The following DPH6 variants were observed in gnomAD, a reference collection of about 807,000 sequenced individuals.
DPH6 encodes diphthine--ammonia ligase.
A neutral mutation model predicts 38.2 loss-of-function variants in DPH6; 33 were observed. The observed-to-expected ratio is 0.86, with a 90% CI of 0.65 to 1.15. The LOEUF is 1.15. Among genes scored for constraint, DPH6 ranks in the 50% most tolerant of loss-of-function variants. DPH6 has a pLI of 0.00. For synonymous variants in DPH6, 108 were observed against 103.0 expected, an observed-to-expected ratio of 1.05 and a Z score of -0.30; for missense variants, 325 against 320.0, an observed-to-expected ratio of 1.02 and a Z score of -0.12.
At chr15:35,478,018 C>A (rs2054282425) in intron 3 of DPH6, among the ~76,000 whole-genome samples, 1 of 151,874 alleles carries the variant, frequency 6.6e-6, no homozygotes, top group African/African-American at 2.4e-5. Context: ...GCACACAGAG[C>A]AAACCTCTGA....
At chr15:35,503,059 A>C (rs1286524889) in intron 3 of DPH6, among the ~76,000 whole-genome samples, 2 of 151,434 alleles carry the variant, frequency 1.3e-5, no homozygotes, top group African/African-American at 4.8e-5. Flanking sequence ...GTCCTTGAAC[A>C]GCTGTATTTA....
At chr15:35,363,075 G>C in intron 3 of DPH6, among the ~76,000 whole-genome samples, 1 of 151,994 alleles carries the variant, frequency 6.6e-6, no homozygotes, top group East Asian at 1.9e-4. Flanking sequence ...ACTAACTTTT[G>C]TATAATTTCT....
chr15:35,482,914 T>C (rs543367377), intron 3 of DPH6, among the ~76,000 whole-genome samples: 3 of 152,088 alleles, frequency 2.0e-5, no homozygotes, highest in African/African-American at 7.2e-5. Flanking sequence ...ACTGAAACAG[T>C]TTGCAAATCA....
intron 3 of DPH6, chr15:35,519,255 G>C (rs983611146): frequency 1.3e-5 from 2 of 151,804 alleles, no homozygotes; most frequent in African/African-American, 2.4e-5. Flanking sequence ...CCCTTGGTTT[G>C]AATTTAAATA....
In DPH6 at chr15:35,337,879, A is replaced by G. The variant is rs1362759051; in HGVS notation, n.208-6802T>C. ...ACAGAGCCCTCAGAAATAATGCCAC[A>G]TATCTACAACTATCTGATCTTTGAC... On this transcript the variant is annotated intron_variant and non_coding_transcript_variant, in intron 3 of 3. Transcript: ENST00000558973. Among the ~76,000 whole-genome samples the G allele has an allele frequency of 2.0e-5, 3 of 151,994 alleles. No homozygotes were observed. In the South Asian group the frequency reaches 6.2e-4, roughly 32 times the overall value.
At chr15:35,228,045 G>A (rs1027190145) in intron 3 of DPH6, among the ~76,000 whole-genome samples, 1 of 151,808 alleles carries the variant, frequency 6.6e-6, no homozygotes, top group Non-Finnish European at 1.5e-5. Flanking sequence ...CCTAATATAT[G>A]GTTTTTCCTT....
intron 5 of DPH6, among the ~76,000 whole-genome samples, chr15:35,430,331 A>G (rs1449741548): frequency 6.6e-6 from 1 of 152,032 alleles, no homozygotes; most frequent in Non-Finnish European, 1.5e-5. Flanking sequence ...CTGAAAGATA[A>G]ATAGGCAACT....
intron 3 of DPH6, among the ~76,000 whole-genome samples, chr15:35,280,141 C>G (rs1468213787): frequency 6.6e-6 from 1 of 152,170 alleles, no homozygotes; most frequent in East Asian, 1.9e-4. Flanking sequence ...AATGGCAGCC[C>G]AAGCAGACTA....
At chr15:35,235,589 GC>G (rs1566845957) in intron 3 of DPH6, among the ~76,000 whole-genome samples, 1 of 152,214 alleles carries the variant, frequency 6.6e-6, no homozygotes, top group Non-Finnish European at 1.5e-5. Context: ...AATAGAGAGA[GC>G]CTGATTGCAC....
intron 3 of DPH6, among the ~76,000 whole-genome samples, chr15:35,473,953 TGTGTGCGCGC>T (rs1362682273): frequency 2.7e-3 from 67 of 25,066 alleles, no homozygotes; most frequent in African/African-American, 3.5e-3. Context: ...TGTGTGTGTG[TGTGTGCGCGC>T]GCGCGCGTGA....
chr15:35,514,808 A>AT (rs1208105079), intron 3 of DPH6, among the ~76,000 whole-genome samples: 1 of 152,230 alleles, frequency 6.6e-6, no homozygotes, highest in Non-Finnish European at 1.5e-5. Context: ...GTGAAGAATT[A>AT]TAAGTCCCCA....
At chr15:35,152,495 G>GT in the DPH6 span, among the ~76,000 whole-genome samples, 3 of 152,056 alleles carry the variant, frequency 2.0e-5, no homozygotes, top group African/African-American at 4.8e-5. Flanking sequence ...TTGTTTGTTT[G>GT]TTTTTTGTTT....
Position 35,498,795 on chromosome 15 carries a change from C to T in DPH6, c.312+39479G>A, listed in dbSNP as rs554469958. ...CATATAGCTTTTTTTACGTAGATGC[C>T]GTCAAAGTGTATATATAATTTTGTA... is the stretch of plus-strand genomic sequence containing the variant. On this transcript the variant is annotated intron_variant, in intron 3 of 8. Coordinates refer to ENST00000256538, the MANE Select transcript of DPH6 (RefSeq NM_080650.4). 2.7e-4 allele frequency among the ~76,000 whole-genome samples: 41 copies of T among 151,538 alleles called. 1 individual carries two copies. Among genetic ancestry groups the T allele is most frequent in the Non-Finnish European group, 4.9e-4 (33 of 67,916 alleles).
intron 6 of DPH6, chr15:35,401,686 A>C: frequency 1.3e-6 from 1 of 743,330 alleles, no homozygotes; most frequent in Non-Finnish European, 2.5e-6. Flanking sequence ...GTTGGAGGCC[A>C]ATACTTTGCC....
intron 3 of DPH6, among the ~76,000 whole-genome samples, chr15:35,498,150 A>T (rs1351495801): frequency 1.3e-5 from 2 of 152,186 alleles, no homozygotes; most frequent in African/African-American, 4.8e-5. Flanking sequence ...TCAGTTCTGA[A>T]ATTAAAAAAC....
chr15:35,513,647 C>T (rs2054806222), intron 3 of DPH6, among the ~76,000 whole-genome samples: 1 of 151,838 alleles, frequency 6.6e-6, no homozygotes, highest in African/African-American at 2.4e-5. Context: ...TATTACAAAT[C>T]TTAACTATAA....
At chr15:35,401,086 A>T (rs1051366316) in intron 6 of DPH6, 10 of 907,530 alleles carry the variant, frequency 1.1e-5, no homozygotes, top group Non-Finnish European at 1.8e-5. Flanking sequence ...ATTGAAGAAA[A>T]GGGGCTTTGC....
At chr15:35,351,278 CTA>C (rs2052508090) in intron 3 of DPH6, among the ~76,000 whole-genome samples, 2 of 152,198 alleles carry the variant, frequency 1.3e-5, no homozygotes, top group African/African-American at 4.8e-5. Flanking sequence ...CACTTTCAGT[CTA>C]TGTGTGTTGT....
intron 3 of DPH6, among the ~76,000 whole-genome samples, chr15:35,240,056 T>C (rs1315490520): frequency 7.0e-6 from 1 of 142,434 alleles, no homozygotes; most frequent in Non-Finnish European, 1.5e-5. Context: ...GCTTCCACCT[T>C]CCATTCCTCC....
Sources: allele counts gnomAD v4.1 joint callset (sites outside exome capture counted in the v4.1 genomes callset), GRCh38; gene constraint gnomAD v4.1.1; transcripts MANE v1.5; gene names NCBI Gene and HGNC (gene_info 2026-07-23, HGNC 2026-07-21).